The following STRN variants were observed in gnomAD, a reference collection of about 807,000 sequenced individuals.
The protein encoded by STRN is striatin.
In STRN, 53 loss-of-function variants were observed where a neutral mutation model predicts 96.3. That is an observed-to-expected ratio of 0.55 (90% CI 0.44 to 0.69). The LOEUF is 0.69. Among genes scored for constraint, STRN ranks in the 30% least tolerant of loss-of-function variants. The probability of loss-of-function intolerance (pLI) is 0.00; values close to 1 mark genes in which losing one functional copy is unlikely to be tolerated. For missense variants in STRN, 987 were observed against 963.9 expected (o/e 1.02, Z -0.32); for synonymous variants, 428 against 355.9 (o/e 1.20, Z -2.28).
rs535676374 is a variant in STRN at position 36,883,431 on chromosome 2, T to C, written c.1186+501A>G. On this transcript the variant is annotated intron_variant, in intron 9 of 17. Transcript: ENST00000263918. ...AAGGTCATGCCACTGCACTCCAGCC[T>C]GGGCGATAGAGCGAGACTCCATCTC... 4.6e-5 allele frequency among the ~76,000 whole-genome samples: 7 copies of C among 152,228 alleles called. No individual in the cohort carries two copies. In the East Asian group the frequency reaches 1.4e-3, roughly 29 times the overall value.
At chr2:36,933,584 A>C (rs1270170237) in intron 1 of STRN, among the ~76,000 whole-genome samples, 1 of 152,192 alleles carries the variant, frequency 6.6e-6, no homozygotes, top group Non-Finnish European at 1.5e-5. Flanking sequence ...GGCCCAATGT[A>C]GGGGCTAAAT....
At chr2:36,924,518 A>G (rs1319665040) in intron 2 of STRN, among the ~76,000 whole-genome samples, 1 of 152,178 alleles carries the variant, frequency 6.6e-6, no homozygotes, top group Non-Finnish European at 1.5e-5. Flanking sequence ...TTTAAAATGA[A>G]TGGGTATTAA....
intron 6 of STRN, among the ~76,000 whole-genome samples, chr2:36,894,379 G>T (rs1230755577): frequency 2.0e-5 from 3 of 152,114 alleles, no homozygotes; most frequent in Admixed American, 2.0e-4. Context: ...AGCTCTCCAT[G>T]TATTTATTTT....
chr2:36,960,182 A>G (rs1201007007), intron 1 of STRN, among the ~76,000 whole-genome samples: 4 of 152,246 alleles, frequency 2.6e-5, no homozygotes, highest in Non-Finnish European at 5.9e-5. Flanking sequence ...TGGTTAGTAA[A>G]TTTACACAAT....
At chr2:36,879,294 T>C (rs1195655267) in intron 9 of STRN, among the ~76,000 whole-genome samples, 1 of 152,110 alleles carries the variant, frequency 6.6e-6, no homozygotes, top group African/African-American at 2.4e-5. Context: ...TAATCTCAAA[T>C]TCTGATCTCA....
At chr2:36,876,296 G>A (rs1326654917) in intron 10 of STRN, among the ~76,000 whole-genome samples, 1 of 149,036 alleles carries the variant, frequency 6.7e-6, no homozygotes, top group Non-Finnish European at 1.5e-5. Flanking sequence ...TTTTTTTTTT[G>A]TAAATCTGTA....
rs1668074175 is a variant in STRN, at chr2:36,846,387, T to TA, written c.*3068_*3069insT. On this transcript the variant is annotated 3_prime_UTR_variant, in exon 18 of 18. Transcript: ENST00000263918. Reference sequence around the variant, plus strand: ...CAAAACAGTAAAATGCACCTATGGTTTATATATATATATATATATATATAT... The same window carrying TA: ...CAAAACAGTAAAATGCACCTATGGTTATATATATATATATATATATATATAT... 1.0e-4 allele frequency: 8 copies of TA among 78,328 alleles called. No homozygotes were observed. The East Asian group carries it at 1.9e-3, about 18-fold the overall frequency. The allele number at this position is 78,328 out of a possible 1,614,324, so 4.9% of individuals were successfully genotyped here. A position where few individuals can be genotyped will look rare whatever the true frequency, so the allele number is the denominator to read the frequency against.
intron 12 of STRN, among the ~76,000 whole-genome samples, chr2:36,867,124 G>A (rs1668648504): frequency 6.6e-6 from 1 of 152,096 alleles, no homozygotes; most frequent in African/African-American, 2.4e-5. Context: ...AAGTGTCAAT[G>A]GTCTAAGTAA....
intron 8 of STRN, among the ~76,000 whole-genome samples, chr2:36,884,513 T>G (rs1474031788): frequency 1.3e-5 from 2 of 152,202 alleles, no homozygotes; most frequent in African/African-American, 4.8e-5. Flanking sequence ...CCCTACCGAT[T>G]ACTTACCTAA....
At chr2:36,941,805 G>A (rs185274280) in intron 1 of STRN, among the ~76,000 whole-genome samples, 45 of 151,248 alleles carry the variant, frequency 3.0e-4, no homozygotes, top group African/African-American at 9.7e-4. Context: ...CCCCAACCTC[G>A]GCCTCCCAAA....
Position 36,855,329 on chromosome 2 carries a change from C to A in STRN, c.1861G>T (p.Asp621Tyr), listed in dbSNP as rs746223609. 11 of 1,613,248 alleles carry A rather than the reference C, an allele frequency of 6.8e-6. No homozygotes were observed. Among genetic ancestry groups the A allele is most frequent in the Non-Finnish European group, 9.3e-6 (11 of 1,179,664 alleles). ...TGGCTCGGGTCACTGCTCACTAGAT[C>A]CACAGAGGCAGGGATTCCCAGTTCT... ...TKELGIPASV[D>Y]LVSSDPSHMV... The change falls in exon 15 of 18, where the codon GAT (aspartate) becomes TAT (tyrosine). Residue 621 changes from aspartate to tyrosine, a missense_variant. Transcript: ENST00000263918.
intron 2 of STRN, among the ~76,000 whole-genome samples, chr2:36,923,909 T>C (rs1010771104): frequency 2.0e-5 from 3 of 152,162 alleles, no homozygotes; most frequent in Non-Finnish European, 2.9e-5. Flanking sequence ...AAATAACTCA[T>C]ATAACTTCCA....
intron 1 of STRN, among the ~76,000 whole-genome samples, chr2:36,948,904 C>A (rs1210688597): frequency 6.6e-6 from 1 of 152,030 alleles, no homozygotes; most frequent in Non-Finnish European, 1.5e-5. Flanking sequence ...ACCTTTTGAG[C>A]AATGACAAAA....
chr2:36,880,339 T>C (rs1229633264), intron 9 of STRN, among the ~76,000 whole-genome samples: 1 of 152,142 alleles, frequency 6.6e-6, no homozygotes, highest in Non-Finnish European at 1.5e-5. Flanking sequence ...ACTGGAAGGC[T>C]TGAGGCAGGA....
At chr2:36,936,770 C>T (rs531463162) in intron 1 of STRN, among the ~76,000 whole-genome samples, 6 of 152,240 alleles carry the variant, frequency 3.9e-5, no homozygotes, top group African/African-American at 1.4e-4. Flanking sequence ...ATGTTACCAG[C>T]CCCAGAAATA....
At chr2:36,948,361 A>G (rs1285738073) in intron 1 of STRN, among the ~76,000 whole-genome samples, 2 of 151,982 alleles carry the variant, frequency 1.3e-5, no homozygotes, top group African/African-American at 4.8e-5. Context: ...CGGCCTCTCA[A>G]AGTGCTGGGA....
rs748355225 is a variant in STRN at position 36,966,220 on chromosome 2, G to A, written c.234+10C>T. ...CGGGATGAAGACGGCCAGGCCGGGA[G>A]GGTCTTTACCTGCAGCTCCGCCCGC... On this transcript the variant is annotated intron_variant, in intron 1 of 17. Transcript: ENST00000263918. 9 of 1,554,098 alleles carry A rather than the reference G, an allele frequency of 5.8e-6. No individual in the cohort carries two copies. Among genetic ancestry groups the A allele is most frequent in the African/African-American group, 1.4e-5 (1 of 71,398 alleles).
rs565471492 is a variant in STRN, at chr2:36,844,543, G to A, written c.*4913C>T. ...GCATCAGAGAGATGACAAGCATGTG[G>A]TCCTGGTTAAATTAAATCTAAAGCT... On this transcript the variant is annotated 3_prime_UTR_variant, in exon 18 of 18. Coordinates refer to ENST00000263918, the MANE Select transcript of STRN (RefSeq NM_003162.4). The A allele has an allele frequency of 1.3e-5, 2 of 152,174 alleles. No individual in the cohort carries two copies. The highest frequency in any genetic ancestry group is 4.2e-4 in the South Asian group (2 of 4,810). The allele number at this position is 152,174 out of a possible 1,614,324, so 9.4% of individuals were successfully genotyped here.
chr2:36,870,175 G>T (rs1421024957), intron 10 of STRN, among the ~76,000 whole-genome samples: 2 of 151,694 alleles, frequency 1.3e-5, no homozygotes, highest in Non-Finnish European at 2.9e-5. Flanking sequence ...CATCAAACTG[G>T]AGGCAAAGTT....
Sources: gnomAD v4.1 joint callset for allele counts (sites outside exome capture counted in the v4.1 genomes callset) on GRCh38, gnomAD v4.1.1 for gene constraint, MANE v1.5 for transcripts, NCBI Gene and HGNC (gene_info 2026-07-23, HGNC 2026-07-21) for gene names.